Variants in SFMBT2 observed in about 807,000 individuals in gnomAD.
SFMBT2 encodes the protein Scm like with four mbt domains 2.
Under a neutral mutation model 110.1 loss-of-function variants are expected in SFMBT2, and 38 were observed. The ratio of observed to expected loss-of-function variants is 0.35; its 90% CI spans 0.27 to 0.45. SFMBT2 has a LOEUF of 0.45. Among genes scored for constraint, SFMBT2 ranks in the 20% least tolerant of loss-of-function variants. The pLI is 1.00. For synonymous variants in SFMBT2, 425 were observed against 425.4 expected, an observed-to-expected ratio of 1.00 and a Z score of 0.01; for missense variants, 1,011 against 1,094.9, an observed-to-expected ratio of 0.92 and a Z score of 1.08.
chr10:7,198,033 G>A, intron 14 of SFMBT2: 1 of 985,432 alleles, frequency 1.0e-6, no homozygotes, highest in Non-Finnish European at 1.2e-6. Flanking sequence ...AAATTCTGAT[G>A]CATTTTTCCA....
intron 4 of SFMBT2, among the ~76,000 whole-genome samples, chr10:7,290,097 C>T (rs757120788): frequency 1.1e-4 from 16 of 152,132 alleles, no homozygotes; most frequent in Non-Finnish European, 2.1e-4. Flanking sequence ...AAAACCTGCC[C>T]TGCGCCCAAC....
chr10:7,246,166 C>T, intron 8 of SFMBT2: 1 of 984,910 alleles, frequency 1.0e-6, no homozygotes, highest in Non-Finnish European at 1.2e-6. Context: ...AACGGCATGA[C>T]TTATTTTATC....
intron 5 of SFMBT2, 70 bp from the exon 6 acceptor site, chr10:7,284,220 C>A (rs1842024773): frequency 1.3e-6 from 2 of 1,560,500 alleles, no homozygotes; most frequent in East Asian, 2.2e-5. Context: ...CAGATGACAG[C>A]AGAAGATAAT....
rs779034779 is a variant in SFMBT2 at position 7,197,538 on chromosome 10, C to T, written c.1698+10G>A. ...TAAAATAAGCCAAGGTGATTGTGCA[C>T]GGGCTTTACCTCTTTAAGAACCAGC... On this transcript the variant is annotated intron_variant, in intron 15 of 20. Transcript: ENST00000397167. The T allele has an allele frequency of 3.0e-5, 49 of 1,611,912 alleles. No homozygotes were observed. The Admixed American group carries it at 4.9e-4, about 16-fold the overall frequency.
chr10:7,206,846 T>A, intron 11 of SFMBT2: 1 of 982,520 alleles, frequency 1.0e-6, no homozygotes, highest in Non-Finnish European at 1.2e-6. Context: ...AATCAAGAGA[T>A]CAGAGCTCCA....
chr10:7,194,884 C>A (rs184705090), intron 15 of SFMBT2, among the ~76,000 whole-genome samples: 1 of 152,302 alleles, frequency 6.6e-6, no homozygotes, highest in East Asian at 1.9e-4. Flanking sequence ...TTAAACAAAT[C>A]ATTTAGTAAA....
intron 3 of SFMBT2, chr10:7,368,275 G>C: frequency 2.2e-6 from 2 of 917,152 alleles, no homozygotes; most frequent in Non-Finnish European, 2.6e-6. Flanking sequence ...TGGACTACAC[G>C]GTTTTCAAGG....
chr10:7,365,222 A>T (rs1844853771), intron 4 of SFMBT2, among the ~76,000 whole-genome samples: 1 of 152,202 alleles, frequency 6.6e-6, no homozygotes, highest in South Asian at 2.1e-4. Flanking sequence ...TCCAGCACTC[A>T]CCTGAATAGA....
chr10:7,264,033 G>A (rs552510133), intron 7 of SFMBT2: 2 of 244,016 alleles, frequency 8.2e-6, no homozygotes, highest in African/African-American at 2.3e-5. Context: ...CACTGGATGT[G>A]GAATCTTCAG....
rs574849835 is a variant in SFMBT2 at position 7,257,032 on chromosome 10, C to T, written c.871-8383G>A. 5.0e-5 allele frequency among the ~76,000 whole-genome samples: 7 copies of T among 140,524 alleles called. No individual in the cohort carries two copies. In the South Asian group the frequency reaches 1.5e-3, roughly 31 times the overall value. 92.2% of individuals were successfully genotyped at this position (140,524 alleles called of 152,430 possible). ...GCTTGAACTCCGGAGGCAGAAGTTA[C>T]AGTGAGCAGAGATCACGCCACTGCA... On this transcript the variant is annotated intron_variant, in intron 7 of 20. Coordinates refer to ENST00000397167, the MANE Select transcript of SFMBT2 (RefSeq NM_001387889.1).
chr10:7,214,441 TG>T, intron 11 of SFMBT2: 1 of 531,974 alleles, frequency 1.9e-6, no homozygotes, highest in Non-Finnish European at 2.4e-6. Flanking sequence ...GTCAGATAAA[TG>T]GGAAGATGCC....
intron 4 of SFMBT2, among the ~76,000 whole-genome samples, chr10:7,289,022 T>C (rs1842188095): frequency 6.6e-6 from 1 of 150,386 alleles, no homozygotes; most frequent in African/African-American, 2.4e-5. Flanking sequence ...AGAAACAGCC[T>C]CAAGCCCCCA....
chr10:7,351,351 G>A (rs1844308318), intron 4 of SFMBT2, among the ~76,000 whole-genome samples: 1 of 152,186 alleles, frequency 6.6e-6, no homozygotes, highest in Non-Finnish European at 1.5e-5. Context: ...GAAGAATGAG[G>A]ATGGATAAAA....
intron 1 of SFMBT2, among the ~76,000 whole-genome samples, chr10:7,400,143 T>C (rs72775578): frequency 0.026 from 3,894 of 152,248 alleles, 90 homozygotes; most frequent in Non-Finnish European, 0.038. Context: ...TAGTGGCCAG[T>C]TGACACGTGG....
intron 6 of SFMBT2, chr10:7,277,588 G>C (rs968431393): frequency 4.4e-5 from 7 of 158,000 alleles, no homozygotes; most frequent in African/African-American, 1.7e-4. Context: ...CAGTGGGAGG[G>C]GGGGCAAGAT....
chr10:7,348,369 A>C lies in SFMBT2; in HGVS notation c.436+19280T>G. The stretch of plus-strand genomic sequence containing the variant: ...ATAATCACAGATGGTTTTAATGGCT[A>C]TAACTTGCTCCTATAATCCATGATG... On this transcript the variant is annotated intron_variant, in intron 4 of 20. Transcript: ENST00000397167. 2.0e-6 allele frequency: 3 copies of C among 1,485,698 alleles called. No homozygotes were observed. In the South Asian group the frequency reaches 4.0e-5, roughly 20 times the overall value. The allele number at this position is 1,485,698 out of a possible 1,614,324, so 92.0% of individuals were successfully genotyped here.
chr10:7,195,850 G>A (rs563379575), intron 15 of SFMBT2, among the ~76,000 whole-genome samples: 12 of 152,274 alleles, frequency 7.9e-5, no homozygotes, highest in South Asian at 6.2e-4. Context: ...TCGACTGGAC[G>A]CTCATGTGGG....
chr10:7,288,859 C>A (rs898063865), intron 4 of SFMBT2, among the ~76,000 whole-genome samples: 5 of 149,734 alleles, frequency 3.3e-5, no homozygotes, highest in Admixed American at 1.3e-4. Flanking sequence ...TGAAACCCCC[C>A]CCCCCATCTC....
At chr10:7,250,445 T>C (rs1840768066) in intron 7 of SFMBT2, among the ~76,000 whole-genome samples, 1 of 152,244 alleles carries the variant, frequency 6.6e-6, no homozygotes, top group Admixed American at 6.5e-5. Context: ...TATGCAATAT[T>C]CCATGGTATA....
Sources: allele counts gnomAD v4.1 joint callset (sites outside exome capture counted in the v4.1 genomes callset), GRCh38; gene constraint gnomAD v4.1.1; transcripts MANE v1.5; gene names NCBI Gene and HGNC (gene_info 2026-07-23, HGNC 2026-07-21).